TNS3: variants seen among roughly 807,000 people sequenced by gnomAD.
TNS3 encodes tensin-3.
In TNS3, 45 loss-of-function variants were observed where a neutral mutation model predicts 140.9. That is an observed-to-expected ratio of 0.32 (90% CI 0.25 to 0.41). The LOEUF (loss-of-function observed/expected upper bound fraction) is 0.41. TNS3 is among the 10% of genes least tolerant of loss of function. TNS3 has a pLI of 1.00. For missense variants in TNS3, 1,716 were observed against 1,906.7 expected, an observed-to-expected ratio of 0.90 and a Z score of 1.86; for synonymous variants, 815 against 788.4, an observed-to-expected ratio of 1.03 and a Z score of -0.56.
chr7:47,366,273 AC>A (rs1322148741), intron 17 of TNS3, among the ~76,000 whole-genome samples: 1 of 152,116 alleles, frequency 6.6e-6, no homozygotes, highest in Non-Finnish European at 1.5e-5. Flanking sequence ...TGGTTGCTAT[AC>A]GGCTGTATTG....
rs557190707 is a variant in TNS3 at position 47,488,373 on chromosome 7, G to A, written c.-114-7232C>T. Among the ~76,000 whole-genome samples the A allele has an allele frequency of 8.1e-4, 124 of 152,270 alleles. 1 individual carries two copies. Among genetic ancestry groups the A allele is most frequent in the African/African-American group, 2.9e-3 (121 of 41,572 alleles). On this transcript the variant is annotated intron_variant, in intron 3 of 30. Transcript: ENST00000311160. ...GTTGTAACAACATACCACAGAATGG[G>A]CAGCTGACACCACAGCCGTTTATCC... is the stretch of plus-strand genomic sequence containing the variant.
intron 1 of TNS3, among the ~76,000 whole-genome samples, chr7:47,575,589 G>A (rs1052597663): frequency 1.3e-5 from 2 of 152,074 alleles, no homozygotes; most frequent in African/African-American, 4.8e-5. Context: ...GCCGAGGAGG[G>A]CGGATCATGA....
At chr7:47,446,199 C>T (rs1008044336) in intron 4 of TNS3, among the ~76,000 whole-genome samples, 19 of 151,916 alleles carry the variant, frequency 1.3e-4, no homozygotes, top group Admixed American at 6.5e-4. Context: ...GCAAGCTCCA[C>T]CTCCCAGGTT....
chr7:47,384,848 G>A (rs1190077800), intron 16 of TNS3, among the ~76,000 whole-genome samples: 2 of 152,054 alleles, frequency 1.3e-5, no homozygotes, highest in African/African-American at 2.4e-5. Flanking sequence ...TGTCTCCCTC[G>A]CCTGTGGCCC....
chr7:47,556,218 T>C (rs1800191953), intron 1 of TNS3, among the ~76,000 whole-genome samples: 1 of 152,232 alleles, frequency 6.6e-6, no homozygotes. Flanking sequence ...AATTGAGCAG[T>C]AAGAGGTTCT....
intron 20 of TNS3, among the ~76,000 whole-genome samples, chr7:47,308,696 G>T (rs1786899212): frequency 6.6e-6 from 1 of 152,160 alleles, no homozygotes; most frequent in Non-Finnish European, 1.5e-5. Context: ...TCTAGTGCAA[G>T]TTATCCCCCA....
chr7:47,451,391 C>A (rs888670282), intron 4 of TNS3, among the ~76,000 whole-genome samples: 1 of 152,148 alleles, frequency 6.6e-6, no homozygotes. Flanking sequence ...ACCAACCTGG[C>A]CAACATGGCG....
chr7:47,422,250 T>C (rs1282152107), intron 10 of TNS3, among the ~76,000 whole-genome samples: 2 of 152,236 alleles, frequency 1.3e-5, no homozygotes, highest in Non-Finnish European at 1.5e-5. Context: ...CCAGCAAGCA[T>C]TAAAAAATGC....
chr7:47,360,471 C>T (rs772140362), intron 17 of TNS3, among the ~76,000 whole-genome samples: 16 of 152,198 alleles, frequency 1.1e-4, no homozygotes, highest in Non-Finnish European at 1.9e-4. Flanking sequence ...GTCCAGCGCC[C>T]GGGGCCCTGG....
chr7:47,374,518 A>T (rs1791263263), intron 16 of TNS3, among the ~76,000 whole-genome samples: 2 of 152,186 alleles, frequency 1.3e-5, no homozygotes, highest in South Asian at 4.1e-4. Flanking sequence ...TGCCATTGCT[A>T]TGCTTTCTAA....
chr7:47,404,040 T>C (rs985146144), intron 13 of TNS3, among the ~76,000 whole-genome samples: 11 of 152,276 alleles, frequency 7.2e-5, no homozygotes, highest in Non-Finnish European at 1.6e-4. Context: ...CCCCAGAGTG[T>C]TTCTAGAATA....
intron 10 of TNS3, among the ~76,000 whole-genome samples, chr7:47,420,733 C>G (rs1294553391): frequency 1.3e-5 from 2 of 152,160 alleles, no homozygotes. Flanking sequence ...TGTTCTAAAG[C>G]CTTTTAAAAT....
intron 17 of TNS3, among the ~76,000 whole-genome samples, chr7:47,353,127 C>T (rs908092937): frequency 6.6e-6 from 1 of 152,226 alleles, no homozygotes; most frequent in South Asian, 2.1e-4. Flanking sequence ...TACCTCTGCA[C>T]TGCCAGCTCA....
chr7:47,495,159 C>A (rs1262749019), intron 3 of TNS3, among the ~76,000 whole-genome samples: 2 of 149,696 alleles, frequency 1.3e-5, no homozygotes, highest in Admixed American at 1.3e-4. Context: ...CCACTGCACC[C>A]CAGCCTGGGC....
chr7:47,348,270 G>A (rs996302720), intron 17 of TNS3, among the ~76,000 whole-genome samples: 1 of 152,224 alleles, frequency 6.6e-6, no homozygotes, highest in Non-Finnish European at 1.5e-5. Context: ...CATGGCCACA[G>A]ACAAGTGACT....
intron 27 of TNS3, 77 bp downstream of exon 27, chr7:47,291,878 G>A (rs1785724424): frequency 6.8e-7 from 1 of 1,472,218 alleles, no homozygotes; most frequent in Non-Finnish European, 9.4e-7. Flanking sequence ...GAATACTGAA[G>A]TGCAAAAGGA....
At chr7:47,574,628 C>CAG (rs1277485595) in intron 1 of TNS3, among the ~76,000 whole-genome samples, 1 of 151,556 alleles carries the variant, frequency 6.6e-6, no homozygotes, top group Non-Finnish European at 1.5e-5. Flanking sequence ...TTCATACAGA[C>CAG]ACACACACAC....
intron 17 of TNS3, among the ~76,000 whole-genome samples, chr7:47,347,254 C>T (rs1393641332): frequency 6.6e-6 from 1 of 152,180 alleles, no homozygotes; most frequent in Non-Finnish European, 1.5e-5. Flanking sequence ...GAGTGGCCCA[C>T]ATAAGGCTCC....
intron 16 of TNS3, among the ~76,000 whole-genome samples, chr7:47,381,642 G>A (rs1256081133): frequency 6.6e-6 from 1 of 152,228 alleles, no homozygotes; most frequent in Non-Finnish European, 1.5e-5. Context: ...AGTGCACGCA[G>A]AGGGTAACAA....
Sources: allele counts gnomAD v4.1 joint callset (sites outside exome capture counted in the v4.1 genomes callset), GRCh38; gene constraint gnomAD v4.1.1; transcripts MANE v1.5; gene names NCBI Gene and HGNC (gene_info 2026-07-23, HGNC 2026-07-21).